Variants in PRKAR1A observed in about 807,000 individuals in gnomAD.
PRKAR1A encodes cAMP-dependent protein kinase type I-alpha regulatory subunit.
In PRKAR1A, 3 loss-of-function variants were observed where a neutral mutation model predicts 52.0. The ratio of observed to expected loss-of-function variants is 0.06; its 90% CI spans 0.03 to 0.15. The LOEUF is 0.15. Among genes scored for constraint, PRKAR1A ranks in the 10% least tolerant of loss-of-function variants. The pLI is 1.00. For missense variants in PRKAR1A, 240 were observed against 477.4 expected (o/e 0.50, Z 4.63); for synonymous variants, 188 against 168.4 (o/e 1.12, Z -0.90).
chr17:68,464,707 AC>A, the PRKAR1A span, among the ~76,000 whole-genome samples: 78,323 of 148,202 alleles, frequency 0.53, 21,671 homozygotes, highest in Non-Finnish European at 0.61. Context: ...AACAAAAAAA[AC>A]AAAAAAAACA....
the PRKAR1A span, chr17:68,427,160 A>G: frequency 7.4e-6 from 12 of 1,614,036 alleles, no homozygotes; most frequent in Admixed American, 3.3e-5. Flanking sequence ...CTGAAGATGC[A>G]CTTGGTCTGG....
intron 11 of PRKAR1A, chr17:68,539,507 AG>A: frequency 7.2e-6 from 7 of 973,026 alleles, no homozygotes; most frequent in Non-Finnish European, 1.2e-5. Context: ...GTAAAATGCC[AG>A]GGATCATGGC....
chr17:68,545,889 G>A (rs995131357), intron 11 of PRKAR1A, among the ~76,000 whole-genome samples: 2 of 152,164 alleles, frequency 1.3e-5, no homozygotes, highest in Non-Finnish European at 2.9e-5. Context: ...CTCCTTATTG[G>A]TCGGGTGCGG....
In PRKAR1A at chr17:68,533,362, A is replaced by G; in HGVS notation, c.*2913A>G. On this transcript the variant is annotated 3_prime_UTR_variant, in exon 11 of 11. Coordinates refer to ENST00000589228, the MANE Select transcript of PRKAR1A (RefSeq NM_002734.5). ...GAACATGTGTACCTTTTCTAGATTCAGTAATCCCTTCCCCCCGTCCTCTGG... is the reference window on the plus strand; with the variant it reads ...GAACATGTGTACCTTTTCTAGATTCGGTAATCCCTTCCCCCCGTCCTCTGG... 1 of 1,062,474 alleles carries G rather than the reference A, an allele frequency of 9.4e-7. No homozygotes were observed. Among genetic ancestry groups the G allele is most frequent in the East Asian group, 5.1e-5 (1 of 19,738 alleles). The allele number at this position is 1,062,474 out of a possible 1,614,324, so 65.8% of individuals were successfully genotyped here.
At chr17:68,529,588 A>G (rs2085901923) in intron 9 of PRKAR1A, among the ~76,000 whole-genome samples, 1 of 152,218 alleles carries the variant, frequency 6.6e-6, no homozygotes, top group Non-Finnish European at 1.5e-5. Context: ...TCATAGTGCA[A>G]AAGCAGCCAC....
At chr17:68,537,284 C>T (rs150972449), downstream of PRKAR1A, 44 of 777,562 alleles carry the variant, frequency 5.7e-5, 1 homozygote, top group East Asian at 1.6e-4. The surrounding 1 kb of genome is among the most constrained non-coding windows in gnomAD (Gnocchi z 4.2). Context: ...AGGCAACGCA[C>T]GACAGAAGCG....
chr17:68,516,229 G>A (rs528677073), intron 2 of PRKAR1A, among the ~76,000 whole-genome samples: 3 of 152,032 alleles, frequency 2.0e-5, no homozygotes, highest in Admixed American at 6.5e-5. Flanking sequence ...TGTGACCTAC[G>A]TATATGGCAT....
the PRKAR1A span, among the ~76,000 whole-genome samples, chr17:68,440,061 G>A: frequency 6.6e-6 from 1 of 152,136 alleles, no homozygotes; most frequent in Non-Finnish European, 1.5e-5. Context: ...TATAGAACTG[G>A]TTGACACTAG....
At chr17:68,468,645 A>T in the PRKAR1A span, among the ~76,000 whole-genome samples, 3 of 152,176 alleles carry the variant, frequency 2.0e-5, no homozygotes, top group Non-Finnish European at 4.4e-5. Flanking sequence ...ATTGATTGCA[A>T]ATACGCACGA....
Position 68,550,712 on chromosome 17 carries a change from G to C in PRKAR1A, c.974-372G>C, listed in dbSNP as rs1324426075. On this transcript the variant is annotated intron_variant, in intron 11 of 11. Coordinates refer to the PRKAR1A transcript ENST00000585981. Reference sequence around the variant, plus strand: ...CTCTTTATACGGCAGTGGTTCTCAAGGTTGCCTGGGCCTTGGGATCACGGG... The same window carrying C: ...CTCTTTATACGGCAGTGGTTCTCAACGTTGCCTGGGCCTTGGGATCACGGG... Among the ~76,000 whole-genome samples the C allele has an allele frequency of 2.0e-5, 3 of 152,148 alleles. No homozygotes were observed. In the East Asian group the frequency reaches 5.8e-4, roughly 29 times the overall value.
the PRKAR1A span, among the ~76,000 whole-genome samples, chr17:68,463,202 G>T: frequency 8.5e-5 from 13 of 152,204 alleles, no homozygotes; most frequent in African/African-American, 2.9e-4. Flanking sequence ...AGGATGGTTG[G>T]GGGGACACCT....
chr17:68,477,794 C>T, the PRKAR1A span, among the ~76,000 whole-genome samples: 10 of 151,916 alleles, frequency 6.6e-5, no homozygotes, highest in Non-Finnish European at 1.3e-4. Context: ...GCCATCTCGG[C>T]TCACTGCAAC....
chr17:68,421,665 C>T, the PRKAR1A span: 150 of 1,509,446 alleles, frequency 9.9e-5, no homozygotes, highest in Non-Finnish European at 1.4e-4. Flanking sequence ...CCCGGGATTC[C>T]TGCCCCCCTT....
chr17:68,425,067 G>T, the PRKAR1A span, among the ~76,000 whole-genome samples: 1 of 152,198 alleles, frequency 6.6e-6, no homozygotes, highest in African/African-American at 2.4e-5. Flanking sequence ...GGTGATGGAA[G>T]AAGCCACGCC....
At chr17:68,476,888 T>C in the PRKAR1A span, among the ~76,000 whole-genome samples, 1 of 152,002 alleles carries the variant, frequency 6.6e-6, no homozygotes, top group Non-Finnish European at 1.5e-5. Flanking sequence ...TCTCGATCTC[T>C]TGATCTTGTG....
chr17:68,536,206 C>T, downstream of PRKAR1A: 1 of 454,090 alleles, frequency 2.2e-6, no homozygotes, highest in Non-Finnish European at 4.4e-6. Context: ...TGGTTCTTGA[C>T]CTTGTACTCT....
the PRKAR1A span, among the ~76,000 whole-genome samples, chr17:68,457,161 G>C: frequency 1.2e-4 from 18 of 151,930 alleles, no homozygotes; most frequent in Non-Finnish European, 1.2e-4. Flanking sequence ...GGGGTGGGGG[G>C]TGCGGCAAAC....
At chr17:68,430,520 C>A in the PRKAR1A span, among the ~76,000 whole-genome samples, 1 of 152,254 alleles carries the variant, frequency 6.6e-6, no homozygotes, top group East Asian at 1.9e-4. Flanking sequence ...ATTAAATAAG[C>A]TTGGGACTGT....
At chr17:68,526,685 A>G (rs1480709301) in intron 7 of PRKAR1A, among the ~76,000 whole-genome samples, 1 of 151,984 alleles carries the variant, frequency 6.6e-6, no homozygotes, top group Non-Finnish European at 1.5e-5. Context: ...ACCAAACCAC[A>G]TGTTCTCACT....
Sources: allele counts gnomAD v4.1 joint callset (sites outside exome capture counted in the v4.1 genomes callset), GRCh38; gene constraint gnomAD v4.1.1; non-coding constraint Gnocchi (gnomAD v3.1); transcripts MANE v1.5; gene names NCBI Gene and HGNC (gene_info 2026-07-23, HGNC 2026-07-21).